Variants in ZEB1 observed in about 807,000 individuals in gnomAD.
The protein encoded by ZEB1 is zinc finger E-box binding homeobox 1.
In ZEB1, 21 loss-of-function variants were observed where a neutral mutation model predicts 84.9. The observed-to-expected ratio is 0.25, with a 90% CI of 0.18 to 0.36. The LOEUF (loss-of-function observed/expected upper bound fraction) is 0.36, where lower values mean the gene tolerates loss of function less well. Among genes scored for constraint, ZEB1 ranks in the 10% least tolerant of loss-of-function variants. The probability of loss-of-function intolerance (pLI) is 1.00; values close to 1 mark genes in which losing one functional copy is unlikely to be tolerated. For synonymous variants in ZEB1, 420 were observed against 471.1 expected, an observed-to-expected ratio of 0.89 and a Z score of 1.41; for missense variants, 1,104 against 1,330.2, an observed-to-expected ratio of 0.83 and a Z score of 2.65.
At chr10:31,476,330 A>T (rs1357950732) in intron 2 of ZEB1, among the ~76,000 whole-genome samples, 1 of 152,116 alleles carries the variant, frequency 6.6e-6, no homozygotes, top group Non-Finnish European at 1.5e-5. Flanking sequence ...TACTATGAGC[A>T]TCTCTATGTG....
chr10:31,319,165 G>A, upstream of ZEB1: 3 of 1,115,096 alleles, frequency 2.7e-6, no homozygotes, highest in South Asian at 1.3e-5. Context: ...GGTGGAGGCG[G>A]AGGGGTGGGG....
intron 1 of ZEB1, among the ~76,000 whole-genome samples, chr10:31,331,213 A>G (rs940697150): frequency 2.0e-5 from 3 of 147,056 alleles, no homozygotes; most frequent in South Asian, 4.2e-4. Flanking sequence ...CAACCTCCTG[A>G]GTAGCTGGGA....
intron 1 of ZEB1, among the ~76,000 whole-genome samples, chr10:31,334,192 C>T (rs1346066933): frequency 2.0e-5 from 3 of 152,100 alleles, no homozygotes; most frequent in African/African-American, 7.2e-5. Flanking sequence ...GTAATGGACA[C>T]GTATGGAACA....
intron 1 of ZEB1, among the ~76,000 whole-genome samples, chr10:31,445,680 G>A: frequency 6.8e-6 from 1 of 146,054 alleles, no homozygotes; most frequent in Non-Finnish European, 1.5e-5. Flanking sequence ...TAATCATGTG[G>A]TTTTTGTCTT....
At chr10:31,378,474 T>C (rs2047071022) in intron 1 of ZEB1, among the ~76,000 whole-genome samples, 1 of 151,812 alleles carries the variant, frequency 6.6e-6, no homozygotes, top group Admixed American at 6.6e-5. Flanking sequence ...TTTGAATTAC[T>C]GTATTTTAGA....
chr10:31,319,254 G>A lies in ZEB1; in HGVS notation c.20G>A (p.Cys7Tyr). 1 of 1,610,618 alleles carries A rather than the reference G, an allele frequency of 6.2e-7. No homozygotes were observed. The highest frequency in any genetic ancestry group is 2.2e-5 in the East Asian group (1 of 44,662). ...AGGATCATGGCGGATGGCCCCAGGT[G>A]TAAGCGCAGAAAGCAGGCGAACCCG... is the stretch of plus-strand genomic sequence containing the variant. MADGPRCKRRKQANPRR... is the reference protein window; with the variant it reads MADGPRYKRRKQANPRR... The change falls in exon 1 of 9, where the codon TGT becomes TAT. Residue 7 changes from cysteine (C) to tyrosine (Y), a missense_variant. By Grantham distance (194) the Cys-to-Tyr change is radical (BLOSUM62 -2). Around this residue, in one of 7 missense-constraint regions of ZEB1, gnomAD observed 162 missense variants for 184.5 expected, o/e 0.88. Transcript: ENST00000424869.
chr10:31,388,131 C>T (rs546803893), intron 1 of ZEB1, among the ~76,000 whole-genome samples: 3 of 152,102 alleles, frequency 2.0e-5, no homozygotes, highest in Non-Finnish European at 2.9e-5. Flanking sequence ...ATGCTGATTT[C>T]GAAAATGTCA....
At chr10:31,459,261 G>A (rs925850087) in intron 1 of ZEB1, among the ~76,000 whole-genome samples, 1 of 152,088 alleles carries the variant, frequency 6.6e-6, no homozygotes, top group Admixed American at 6.6e-5. Context: ...CATAATATAA[G>A]TGGCAAAGCA....
intron 1 of ZEB1, among the ~76,000 whole-genome samples, chr10:31,425,620 T>C (rs1433410701): frequency 2.0e-5 from 3 of 152,262 alleles, no homozygotes; most frequent in East Asian, 1.9e-4. Flanking sequence ...AATTCATCAC[T>C]GGACCCATTT....
At chr10:31,331,847 G>A (rs2036868651) in intron 1 of ZEB1, among the ~76,000 whole-genome samples, 2 of 152,178 alleles carry the variant, frequency 1.3e-5, no homozygotes, top group Non-Finnish European at 2.9e-5. Context: ...TGAGGCTGGA[G>A]AATTGGATAG....
intron 4 of ZEB1, among the ~76,000 whole-genome samples, chr10:31,504,659 A>G (rs890231520): frequency 1.5e-4 from 23 of 151,796 alleles, no homozygotes; most frequent in African/African-American, 5.6e-4. Flanking sequence ...TTCCTTGGAG[A>G]GGTCTTTCAC....
chr10:31,506,360 G>A (rs2068982448), intron 4 of ZEB1, among the ~76,000 whole-genome samples: 1 of 152,000 alleles, frequency 6.6e-6, no homozygotes, highest in Non-Finnish European at 1.5e-5. Flanking sequence ...GCTGATAGGG[G>A]TGTTGAAGTC....
At chr10:31,356,678 C>T (rs1030244560) in intron 1 of ZEB1, among the ~76,000 whole-genome samples, 2 of 152,108 alleles carry the variant, frequency 1.3e-5, no homozygotes, top group Non-Finnish European at 2.9e-5. Flanking sequence ...CTTTCATGTA[C>T]CTATGGCTGT....
In ZEB1 at chr10:31,464,379, T is replaced by C. The variant is rs368349488; in HGVS notation, c.259+3142T>C. Among the ~76,000 whole-genome samples the C allele has an allele frequency of 2.6e-4, 39 of 151,686 alleles. 1 individual carries two copies. Among genetic ancestry groups the C allele is most frequent in the African/African-American group, 8.5e-4 (35 of 41,366 alleles). ...GAAAAAAAAGAAAAAAGAAAAGATA[T>C]GAAAAACAGGTTAAGATACATGAAG... is the stretch of plus-strand genomic sequence containing the variant. On this transcript the variant is annotated intron_variant, in intron 2 of 8. Transcript: ENST00000424869.
chr10:31,498,858 C>T lies in ZEB1; in HGVS notation c.322+3020C>T, dbSNP rs377426566. ...TATGCACTATAGAATTTTATGCAAA[C>T]GTATATTAATTACTTCATAAACAGT... is the stretch of plus-strand genomic sequence containing the variant. On this transcript the variant is annotated intron_variant, in intron 3 of 8. Coordinates refer to ENST00000424869, the MANE Select transcript of ZEB1 (RefSeq NM_001174096.2). 2.4e-4 allele frequency among the ~76,000 whole-genome samples: 37 copies of T among 151,870 alleles called. 1 individual carries two copies. The highest frequency in any genetic ancestry group is 3.7e-3 in the Middle Eastern group (1 of 272).
chr10:31,351,404 A>T (rs1324238028), intron 1 of ZEB1, among the ~76,000 whole-genome samples: 1 of 151,986 alleles, frequency 6.6e-6, no homozygotes, highest in Non-Finnish European at 1.5e-5. Context: ...ATAACTTTTC[A>T]GCATCAGTCT....
chr10:31,436,981 C>A (rs1214261005), intron 1 of ZEB1, among the ~76,000 whole-genome samples: 1 of 152,038 alleles, frequency 6.6e-6, no homozygotes, highest in Non-Finnish European at 1.5e-5. Flanking sequence ...TAAGTTATGT[C>A]CACAGATGAT....
intron 1 of ZEB1, among the ~76,000 whole-genome samples, chr10:31,326,741 A>G (rs1258915579): frequency 6.6e-6 from 1 of 152,258 alleles, no homozygotes; most frequent in Non-Finnish European, 1.5e-5. Flanking sequence ...TATTATACTT[A>G]AAACCAAAAT....
intron 2 of ZEB1, among the ~76,000 whole-genome samples, chr10:31,468,058 G>T (rs1479369890): frequency 3.3e-5 from 5 of 152,098 alleles, no homozygotes; most frequent in Non-Finnish European, 5.9e-5. Context: ...CCCTGAACCA[G>T]CTCTTGTGGC....
Sources: allele counts gnomAD v4.1 joint callset (sites outside exome capture counted in the v4.1 genomes callset), GRCh38; gene constraint gnomAD v4.1.1; regional missense constraint gnomAD v4.1.1; transcripts MANE v1.5; gene names NCBI Gene and HGNC (gene_info 2026-07-23, HGNC 2026-07-21).